RAB13: variants seen among roughly 807,000 people sequenced by gnomAD.
RAB13 encodes ras-related protein Rab-13.
In RAB13, 15 loss-of-function variants were observed where a neutral mutation model predicts 29.3. The observed-to-expected ratio is 0.51, with a 90% CI of 0.34 to 0.79. RAB13 has a LOEUF of 0.79. Ranked by LOEUF, RAB13 falls within the 30% of genes least tolerant of loss-of-function variation. RAB13 has a pLI of 0.01. For synonymous variants in RAB13, 82 were observed against 93.8 expected (o/e 0.87, Z 0.73); for missense variants, 186 against 255.5 (o/e 0.73, Z 1.85).
At chr1:153,985,109 C>A in intron 1 of RAB13, 2 of 1,071,338 alleles carry the variant, frequency 1.9e-6, no homozygotes, top group Non-Finnish European at 2.3e-6. Context: ...TCTCTGTCTC[C>A]CCCCAGATAT....
Position 153,981,912 on chromosome 1 carries a change from C to A in RAB13, c.*187G>T. On this transcript the variant is annotated 3_prime_UTR_variant, in exon 8 of 8. Coordinates refer to ENST00000368575, the MANE Select transcript of RAB13 (RefSeq NM_002870.5). ...TTCACTTCCTCAATTCATTCCTCTC[C>A]CTTCTCCCTTCCTCTCTCTTCCTTT... 1 of 619,298 alleles carries A rather than the reference C, an allele frequency of 1.6e-6. No homozygotes were observed. Among genetic ancestry groups the A allele is most frequent in the Non-Finnish European group, 2.9e-6 (1 of 344,488 alleles). 38.4% of individuals were successfully genotyped at this position (619,298 alleles called of 1,614,324 possible). A position where few individuals can be genotyped will look rare whatever the true frequency, so the allele number is the denominator to read the frequency against.
chr1:153,982,946 A>T (rs1649038486), intron 4 of RAB13, 138 bp from the exon 5 acceptor site: 3 of 854,838 alleles, frequency 3.5e-6, no homozygotes, highest in Non-Finnish European at 5.7e-6. Flanking sequence ...ACCAACATGG[A>T]GAAAACCCGT....
chr1:153,990,550 C>G (rs999751303), upstream of RAB13, among the ~76,000 whole-genome samples: 1 of 152,196 alleles, frequency 6.6e-6, no homozygotes, highest in African/African-American at 2.4e-5. Context: ...GGATAGTGAT[C>G]AAACGCTGAC....
chr1:153,985,479 G>A (rs768372110), intron 1 of RAB13: 7 of 591,116 alleles, frequency 1.2e-5, no homozygotes, highest in African/African-American at 4.1e-5. Flanking sequence ...AGGAGGATGA[G>A]TCACCAGGCT....
chr1:153,983,553 T>G lies in RAB13; in HGVS notation c.214A>C (p.Thr72Pro). 1 of 1,612,292 alleles carries G rather than the reference T, an allele frequency of 6.2e-7. No homozygotes were observed. Among genetic ancestry groups the G allele is most frequent in the Non-Finnish European group, 8.5e-7 (1 of 1,178,326 alleles). Residue 72 changes from threonine to proline, a missense_variant, in exon 3 of 8, where the codon ACA becomes CCA. Thr to Pro is a conservative substitution (Grantham distance 38, BLOSUM62 -1). Transcript: ENST00000368575. ...CCACGGTAGTAGGCAGTAGTTATTG[T>G]CTTGAACCGCTCTTGGCCAGCCGTG... Reference protein sequence around the residue: ...WDTAGQERFKTITTAYYRGAM... With the variant: ...WDTAGQERFKPITTAYYRGAM...
chr1:153,986,493 GTC>G (rs1392719284), upstream of RAB13: 8 of 487,056 alleles, frequency 1.6e-5, no homozygotes, highest in East Asian at 1.7e-4. Flanking sequence ...AGGCCGGCCT[GTC>G]TCTCTCGCTA....
intron 1 of RAB13, chr1:153,985,441 T>G: frequency 1.1e-6 from 1 of 930,306 alleles, no homozygotes; most frequent in Non-Finnish European, 1.3e-6. Flanking sequence ...CTTGGGCACC[T>G]CCCCCAAGCC....
chr1:153,982,151 G>C lies in RAB13; in HGVS notation c.560C>G (p.Thr187Ser). 1 of 1,614,072 alleles carries C rather than the reference G, an allele frequency of 6.2e-7. No homozygotes were observed. The highest frequency in any genetic ancestry group is 8.5e-7 in the Non-Finnish European group (1 of 1,180,016). ...CTTCTTGTCACAAGTTTTCAGGTCA[G>C]TACTGGGAGGCTTGTTGCCGTTTCC... Reference protein sequence around the residue: ...RSGNGNKPPSTDLKTCDKKNT... With the variant: ...RSGNGNKPPSSDLKTCDKKNT... The change falls in exon 8 of 8, where the codon ACT (threonine) becomes AGT (serine). Residue 187 changes from threonine to serine, a missense_variant. Physicochemically the swap from Thr to Ser is moderately conservative, Grantham distance 58. Transcript: ENST00000368575.
In RAB13 at chr1:153,983,563, C is replaced by T; in HGVS notation, c.204G>A (p.Glu68=). ...KLQVWDTAGQ[E]RFKTITTAYY... ...AGGCAGTAGTTATTGTCTTGAACCG[C>T]TCTTGGCCAGCCGTGTCCCTAAAGA... Residue 68 remains glutamate, a synonymous_variant, in exon 3 of 8, where the codon GAG becomes GAA. Transcript: ENST00000368575. 4 of 1,611,638 alleles carry T rather than the reference C, an allele frequency of 2.5e-6. No homozygotes were observed. Among genetic ancestry groups the T allele is most frequent in the Non-Finnish European group, 3.4e-6 (4 of 1,177,748 alleles).
chr1:153,988,335 CT>C (rs1649248246), upstream of RAB13, among the ~76,000 whole-genome samples: 1 of 139,626 alleles, frequency 7.2e-6, no homozygotes, highest in African/African-American at 2.7e-5. Context: ...CTCTGTCGAC[CT>C]AGGCTGGGGT....
At chr1:153,988,043 G>A (rs1410498335), upstream of RAB13, among the ~76,000 whole-genome samples, 1 of 151,770 alleles carries the variant, frequency 6.6e-6, no homozygotes, top group Non-Finnish European at 1.5e-5. Context: ...GGAGTGCAGT[G>A]GCGCAATCTC....
At chr1:153,985,751 G>A (rs918551408) in intron 1 of RAB13, among the ~76,000 whole-genome samples, 5 of 152,068 alleles carry the variant, frequency 3.3e-5, no homozygotes, top group Non-Finnish European at 4.4e-5. Flanking sequence ...AAGATGTGGC[G>A]GACAGGGATA....
intron 6 of RAB13, 40 bp downstream of exon 6, chr1:153,982,495 T>C (rs376277494): frequency 4.6e-5 from 74 of 1,607,222 alleles, no homozygotes; most frequent in Non-Finnish European, 6.1e-5. Flanking sequence ...TACCTTCTAA[T>C]ACTTCCTCTC....
At chr1:153,983,063 T>C (rs1330557350) in intron 4 of RAB13, 156 bp downstream of exon 4, 3 of 773,648 alleles carry the variant, frequency 3.9e-6, no homozygotes, top group Non-Finnish European at 6.7e-6. Context: ...AGGCAGAGGT[T>C]GCAGTGAGCC....
intron 1 of RAB13, 170 bp downstream of exon 1, chr1:153,985,943 G>C (rs772937904): frequency 2.1e-4 from 256 of 1,195,582 alleles, no homozygotes; most frequent in Admixed American, 1.3e-3. Context: ...TGAGAGGTTT[G>C]GTTACTATAC....
chr1:153,989,896 A>T (rs143993903), upstream of RAB13, among the ~76,000 whole-genome samples: 1,086 of 152,100 alleles, frequency 7.1e-3, 8 homozygotes, highest in African/African-American at 0.025. Flanking sequence ...GTGTCTAAAA[A>T]AAAAATAAAA....
At chr1:153,983,901 G>T (rs923819628) in intron 2 of RAB13, among the ~76,000 whole-genome samples, 2 of 152,124 alleles carry the variant, frequency 1.3e-5, no homozygotes, top group African/African-American at 4.8e-5. Flanking sequence ...AACACGCCAG[G>T]TGCCGTGGCT....
upstream of RAB13, chr1:153,990,694 T>C: frequency 6.7e-7 from 1 of 1,491,950 alleles, no homozygotes; most frequent in South Asian, 1.1e-5. Context: ...CCAAACATGG[T>C]GGCACAAGAT....
chr1:153,987,786 A>C (rs1280088718), upstream of RAB13, among the ~76,000 whole-genome samples: 1 of 148,484 alleles, frequency 6.7e-6, no homozygotes, highest in Admixed American at 6.7e-5. Flanking sequence ...AAAAAAAAAA[A>C]AAAAAAAAAA....
Sources: gnomAD v4.1 joint callset for allele counts (sites outside exome capture counted in the v4.1 genomes callset) on GRCh38, gnomAD v4.1.1 for gene constraint, MANE v1.5 for transcripts, NCBI Gene and HGNC (gene_info 2026-07-23, HGNC 2026-07-21) for gene names.